The following NEDD9 variants were observed in gnomAD, a reference collection of about 807,000 sequenced individuals.
NEDD9 encodes enhancer of filamentation 1.
NEDD9 carries 26 observed loss-of-function variants against 76.6 expected under a neutral mutation model. That is an observed-to-expected ratio of 0.34 (90% CI 0.25 to 0.47). The LOEUF (loss-of-function observed/expected upper bound fraction) is 0.47, where lower values mean the gene tolerates loss of function less well. Among genes scored for constraint, NEDD9 ranks in the 20% least tolerant of loss-of-function variants. NEDD9 has a pLI of 1.00. For missense variants in NEDD9, 937 were observed against 1,058.5 expected, an observed-to-expected ratio of 0.89 and a Z score of 1.59; for synonymous variants, 392 against 414.2, an observed-to-expected ratio of 0.95 and a Z score of 0.65.
chr6:11,371,258 A>G (rs1762869165), intron 1 of NEDD9, among the ~76,000 whole-genome samples: 1 of 152,164 alleles, frequency 6.6e-6, no homozygotes, highest in Non-Finnish European at 1.5e-5. Context: ...ACAATCAATA[A>G]ACCTGCATTG....
intron 1 of NEDD9, among the ~76,000 whole-genome samples, chr6:11,376,566 T>G (rs569418629): frequency 1.5e-4 from 23 of 152,304 alleles, no homozygotes; most frequent in Non-Finnish European, 2.9e-4. Flanking sequence ...AGAGGAAATT[T>G]CTAAGCAGCA....
chr6:11,367,156 T>A (rs1047270702), intron 1 of NEDD9, among the ~76,000 whole-genome samples: 6 of 152,222 alleles, frequency 3.9e-5, no homozygotes, highest in African/African-American at 1.4e-4. Context: ...GCTTTCTTCA[T>A]TAATCCTTCC....
Position 11,252,943 on chromosome 6 carries a change from G to C in NEDD9, c.13-39216C>G, listed in dbSNP as rs1759939063. ...AGAAATCATTCTTTTGGGAAAATTG[G>C]GCTTGTGCTAGATGTTTTTAATGCT... On this transcript the variant is annotated intron_variant, in intron 3 of 3. Transcript: ENST00000397378. The surrounding 1 kb of genome is among the most constrained non-coding windows in gnomAD (Gnocchi z 4.3). 6.6e-6 allele frequency among the ~76,000 whole-genome samples: 1 copy of C among 151,996 alleles called. No homozygotes were observed. The highest frequency in any genetic ancestry group is 2.4e-5 in the African/African-American group (1 of 41,370).
At chr6:11,299,618 C>T (rs917755253) in intron 3 of NEDD9, among the ~76,000 whole-genome samples, 9 of 152,172 alleles carry the variant, frequency 5.9e-5, no homozygotes, top group African/African-American at 2.2e-4. Context: ...CAACAGACAC[C>T]TCAAACAGGT....
chr6:11,347,055 C>G (rs1482529587), intron 1 of NEDD9, among the ~76,000 whole-genome samples: 2 of 152,156 alleles, frequency 1.3e-5, no homozygotes, highest in Non-Finnish European at 2.9e-5. Flanking sequence ...GCCCTCTCCA[C>G]CATCCCCTCC....
intron 3 of NEDD9, among the ~76,000 whole-genome samples, chr6:11,272,443 C>T (rs16871191): frequency 0.05 from 7,613 of 152,242 alleles, 192 homozygotes; most frequent in Middle Eastern, 0.14. Context: ...CACATTTGAA[C>T]GCAGCTTGGT....
chr6:11,304,573 T>C (rs1441979720), intron 3 of NEDD9, among the ~76,000 whole-genome samples: 1 of 152,222 alleles, frequency 6.6e-6, no homozygotes, highest in Non-Finnish European at 1.5e-5. Context: ...CCATCAATGA[T>C]AGACTGGATT....
At chr6:11,316,408 G>T (rs922650483) in intron 2 of NEDD9, among the ~76,000 whole-genome samples, 1 of 152,114 alleles carries the variant, frequency 6.6e-6, no homozygotes, top group Non-Finnish European at 1.5e-5. Flanking sequence ...ACGTCTGATC[G>T]TCTCATGGGT....
At position 11,299,954 on chromosome 6, in the gene NEDD9, C is replaced by T. The variant is rs565394091; in HGVS notation, c.12+6038G>A. ...CCAAAAAAACAGAGTGCCTCTTCTC[C>T]TCCAAAGGATTGCAGCCCCTCACCA... On this transcript the variant is annotated intron_variant, in intron 3 of 3. Coordinates refer to the NEDD9 transcript ENST00000397378. Among the ~76,000 whole-genome samples, 19 of 152,276 alleles carry T rather than the reference C, an allele frequency of 1.2e-4. No homozygotes were observed. In the East Asian group the frequency reaches 2.9e-3, roughly 23 times the overall value.
intron 1 of NEDD9, among the ~76,000 whole-genome samples, chr6:11,214,667 G>A (rs1209896733): frequency 6.6e-6 from 1 of 152,172 alleles, no homozygotes; most frequent in Non-Finnish European, 1.5e-5. Context: ...TCAAAGGCTC[G>A]GAAGATTTCA....
intron 2 of NEDD9, among the ~76,000 whole-genome samples, chr6:11,322,542 G>A (rs1400728678): frequency 6.6e-6 from 1 of 152,150 alleles, no homozygotes; most frequent in East Asian, 1.9e-4. Context: ...GGATGAGAGA[G>A]GAAGGAGGAA....
intron 3 of NEDD9, among the ~76,000 whole-genome samples, chr6:11,256,354 A>G (rs976491740): frequency 4.6e-5 from 7 of 152,142 alleles, no homozygotes; most frequent in African/African-American, 1.7e-4. Context: ...TTTCTGTAAT[A>G]TTTGGCAAAC....
intron 3 of NEDD9, among the ~76,000 whole-genome samples, chr6:11,248,486 C>T (rs1759852407): frequency 6.6e-6 from 1 of 152,196 alleles, no homozygotes; most frequent in South Asian, 2.1e-4. Context: ...TATTCTCAAA[C>T]TGGTTCCCCA....
intron 5 of NEDD9, 75 bp from the exon 6 acceptor site, chr6:11,188,382 T>C (rs1289647189): frequency 4.9e-6 from 6 of 1,224,318 alleles, no homozygotes; most frequent in African/African-American, 1.5e-5. Flanking sequence ...CATTGACGGA[T>C]GAGTAAATAC....
chr6:11,352,110 T>A (rs1307893448), intron 1 of NEDD9: 2 of 152,246 alleles, frequency 1.3e-5, no homozygotes, highest in Non-Finnish European at 2.9e-5. Context: ...TCCCTGCTCT[T>A]TCATGGGCCA....
At chr6:11,249,351 C>T in intron 3 of NEDD9, 1 of 368,942 alleles carries the variant, frequency 2.7e-6, no homozygotes, top group Non-Finnish European at 5.3e-6. Context: ...GTTCAGGGCT[C>T]TATAAAGTCT....
chr6:11,305,032 A>G, intron 3 of NEDD9: 1 of 1,222,776 alleles, frequency 8.2e-7, no homozygotes. Context: ...TACTTATCAA[A>G]TTATTTAAAG....
At chr6:11,292,711 T>C (rs934827470) in intron 3 of NEDD9, among the ~76,000 whole-genome samples, 7 of 152,248 alleles carry the variant, frequency 4.6e-5, no homozygotes, top group South Asian at 4.1e-4. Context: ...GTTTTAGTTT[T>C]GGAATACACA....
chr6:11,357,655 C>G (rs187134296), intron 1 of NEDD9, among the ~76,000 whole-genome samples: 1 of 152,302 alleles, frequency 6.6e-6, no homozygotes, highest in East Asian at 1.9e-4. Context: ...AAGATTCACT[C>G]TCTTTTCAGG....
Sources: allele counts gnomAD v4.1 joint callset (sites outside exome capture counted in the v4.1 genomes callset), GRCh38; gene constraint gnomAD v4.1.1; non-coding constraint Gnocchi (gnomAD v3.1); transcripts MANE v1.5; gene names NCBI Gene and HGNC (gene_info 2026-07-23, HGNC 2026-07-21).